MDGA2: variants seen among roughly 807,000 people sequenced by gnomAD.
MDGA2 encodes MAM domain-containing glycosylphosphatidylinositol anchor protein 2.
MDGA2 carries 40 observed loss-of-function variants against 117.8 expected under a neutral mutation model. The observed-to-expected ratio is 0.34, with a 90% confidence interval of 0.26 to 0.44. The LOEUF (loss-of-function observed/expected upper bound fraction) is 0.44. MDGA2 is among the 20% of genes least tolerant of loss of function. The pLI is 1.00. For missense variants in MDGA2, 1,123 were observed against 1,250.6 expected (o/e 0.90, Z 1.54); for synonymous variants, 452 against 439.0 (o/e 1.03, Z -0.37).
chr14:47,285,442 G>C (rs1322683593), intron 2 of MDGA2, among the ~76,000 whole-genome samples: 2 of 151,998 alleles, frequency 1.3e-5, no homozygotes, highest in Non-Finnish European at 2.9e-5. Context: ...AGTAAATTTA[G>C]AGATATTGTC....
intron 1 of MDGA2, among the ~76,000 whole-genome samples, chr14:47,311,050 T>C (rs759732880): frequency 6.6e-6 from 1 of 152,118 alleles, no homozygotes; most frequent in Non-Finnish European, 1.5e-5. Context: ...TTGCCTCTTA[T>C]AAATTATCAC....
chr14:47,242,679 G>A (rs190912731), intron 2 of MDGA2, among the ~76,000 whole-genome samples: 1,826 of 151,856 alleles, frequency 0.012, 62 homozygotes, highest in Non-Finnish European at 0.019. Context: ...CTGCCTTCCC[G>A]CAGGGCAGTG....
At chr14:47,587,256 A>G (rs1281476876) in intron 1 of MDGA2, among the ~76,000 whole-genome samples, 2 of 151,900 alleles carry the variant, frequency 1.3e-5, no homozygotes, top group African/African-American at 2.4e-5. Flanking sequence ...TCACAAGTTT[A>G]CCTACGAAAC....
At chr14:47,335,745 T>TACACATACATAC (rs77837591) in intron 1 of MDGA2, among the ~76,000 whole-genome samples, 17 of 95,580 alleles carry the variant, frequency 1.8e-4, no homozygotes, top group Non-Finnish European at 3.3e-4. Flanking sequence ...TATATATATA[T>TACACATACATAC]ATACATACAT....
intron 1 of MDGA2, among the ~76,000 whole-genome samples, chr14:47,424,413 CA>C (rs34875957): frequency 0.62 from 86,005 of 139,524 alleles, 25,324 homozygotes; most frequent in Middle Eastern, 0.71. Flanking sequence ...GATTCTGTCT[CA>C]AAAAAAAAAA....
chr14:47,209,363 T>C (rs533121081), intron 3 of MDGA2, among the ~76,000 whole-genome samples: 2 of 152,250 alleles, frequency 1.3e-5, no homozygotes, highest in Admixed American at 1.3e-4. Context: ...AGAAGGCTTA[T>C]AGAATGCCTG....
At chr14:46,972,635 A>G (rs1487670647) in intron 8 of MDGA2, among the ~76,000 whole-genome samples, 2 of 152,162 alleles carry the variant, frequency 1.3e-5, no homozygotes, top group Admixed American at 6.6e-5. Context: ...TCCAAATCCA[A>G]ATCACATGAC....
intron 6 of MDGA2, among the ~76,000 whole-genome samples, chr14:47,089,829 C>A (rs933754048): frequency 8.1e-5 from 12 of 148,072 alleles, no homozygotes; most frequent in African/African-American, 2.5e-4. Flanking sequence ...GCATGAAGCA[C>A]TGTGCCCGGC....
At chr14:47,187,136 T>C (rs905610467) in intron 3 of MDGA2, among the ~76,000 whole-genome samples, 2 of 151,790 alleles carry the variant, frequency 1.3e-5, no homozygotes, top group Non-Finnish European at 2.9e-5. Flanking sequence ...CACAACTACA[T>C]CTATCAATTC....
rs1274911790 is a variant in MDGA2, at chr14:47,179,511, C to T, written c.596-35237G>A. The stretch of plus-strand genomic sequence containing the variant: ...ACTATTCAACTCCTAAAATCATGTT[C>T]ACAACACATCCCTGTATTAATTCGA... On this transcript the variant is annotated intron_variant, in intron 3 of 16. Transcript: ENST00000399232. Among the ~76,000 whole-genome samples the T allele has an allele frequency of 8.6e-5, 13 of 152,044 alleles. 1 individual carries two copies. Among genetic ancestry groups the T allele is most frequent in the South Asian group, 4.1e-4 (2 of 4,820 alleles).
chr14:47,209,808 A>G (rs150476327), intron 3 of MDGA2, among the ~76,000 whole-genome samples: 14 of 152,312 alleles, frequency 9.2e-5, no homozygotes, highest in African/African-American at 3.1e-4. Flanking sequence ...GCATGACAGC[A>G]ACTCATTTTA....
chr14:47,361,780 T>G (rs1360901900), intron 1 of MDGA2, among the ~76,000 whole-genome samples: 2 of 152,106 alleles, frequency 1.3e-5, no homozygotes, highest in Admixed American at 6.5e-5. Context: ...TGATCATTGA[T>G]CTGCATACCT....
At chr14:47,270,151 T>G (rs543296991) in intron 2 of MDGA2, among the ~76,000 whole-genome samples, 86 of 152,172 alleles carry the variant, frequency 5.7e-4, no homozygotes, top group Non-Finnish European at 9.4e-4. Context: ...ACTTACATCA[T>G]TATTTCATTT....
intron 1 of MDGA2, among the ~76,000 whole-genome samples, chr14:47,513,751 T>C (rs184252600): frequency 5.1e-4 from 77 of 152,250 alleles, no homozygotes; most frequent in Non-Finnish European, 7.8e-4. Flanking sequence ...CCCTATCATA[T>C]ATTCTGAGTT....
chr14:47,571,908 A>T (rs72670766), intron 1 of MDGA2, among the ~76,000 whole-genome samples: 492 of 152,318 alleles, frequency 3.2e-3, no homozygotes, highest in Non-Finnish European at 5.3e-3. Flanking sequence ...AAGTATAATT[A>T]AAAAAATACT....
At chr14:46,915,057 C>A (rs927048634) in intron 10 of MDGA2, among the ~76,000 whole-genome samples, 2 of 152,036 alleles carry the variant, frequency 1.3e-5, no homozygotes, top group African/African-American at 4.8e-5. Context: ...TGTATTTAAA[C>A]CATCCAAGTT....
At chr14:47,502,540 C>T (rs1894420065) in intron 1 of MDGA2, among the ~76,000 whole-genome samples, 1 of 152,082 alleles carries the variant, frequency 6.6e-6, no homozygotes, top group South Asian at 2.1e-4. Flanking sequence ...TATTGATAAG[C>T]CCACTCTAAT....
chr14:47,048,679 A>G (rs931939904), intron 7 of MDGA2, among the ~76,000 whole-genome samples: 3 of 152,102 alleles, frequency 2.0e-5, no homozygotes, highest in Non-Finnish European at 4.4e-5. Flanking sequence ...ATCTTTTGTC[A>G]AGAGCAAAAT....
intron 1 of MDGA2, among the ~76,000 whole-genome samples, chr14:47,414,977 T>C (rs1286621198): frequency 3.9e-5 from 6 of 152,132 alleles, no homozygotes; most frequent in African/African-American, 1.4e-4. Flanking sequence ...AGTGAAAATG[T>C]AAATCATTAT....
Sources: gnomAD v4.1 joint callset for allele counts (sites outside exome capture counted in the v4.1 genomes callset) on GRCh38, gnomAD v4.1.1 for gene constraint, MANE v1.5 for transcripts, NCBI Gene and HGNC (gene_info 2026-07-23, HGNC 2026-07-21) for gene names.